MRPS9: variants seen among roughly 807,000 people sequenced by gnomAD.
MRPS9 encodes the protein mitochondrial ribosomal protein S9, also known as small ribosomal subunit protein uS9m.
A neutral mutation model predicts 59.9 loss-of-function variants in MRPS9; 45 were observed. The observed-to-expected ratio is 0.75, with a 90% CI of 0.59 to 0.96. The LOEUF (loss-of-function observed/expected upper bound fraction) is 0.96, where lower values mean the gene tolerates loss of function less well. MRPS9 is among the 40% of genes least tolerant of loss of function. MRPS9 has a pLI of 0.00. For synonymous variants in MRPS9, 171 were observed against 166.8 expected (o/e 1.03, Z -0.19); for missense variants, 473 against 481.1 (o/e 0.98, Z 0.16).
At chr2:105,040,908 G>A (rs1461692851) in intron 1 of MRPS9, among the ~76,000 whole-genome samples, 1 of 152,134 alleles carries the variant, frequency 6.6e-6, no homozygotes, top group African/African-American at 2.4e-5. Context: ...GCAGCAAATA[G>A]GAGTTATATG....
chr2:105,054,416 A>G (rs1008836410), intron 2 of MRPS9, among the ~76,000 whole-genome samples: 7 of 152,208 alleles, frequency 4.6e-5, no homozygotes, highest in African/African-American at 1.7e-4. Context: ...TGTCTCCTGT[A>G]GGTTGATATT....
chr2:105,071,041 C>G (rs1680102263), intron 2 of MRPS9, among the ~76,000 whole-genome samples: 1 of 152,152 alleles, frequency 6.6e-6, no homozygotes, highest in Non-Finnish European at 1.5e-5. Flanking sequence ...TCTAAGTGAT[C>G]CCTTAAAAGA....
At chr2:105,058,886 G>T (rs1679843353) in intron 2 of MRPS9, among the ~76,000 whole-genome samples, 1 of 151,892 alleles carries the variant, frequency 6.6e-6, no homozygotes, top group African/African-American at 2.4e-5. Context: ...CACCATGTTG[G>T]TCAGGCTGGT....
chr2:105,091,429 C>T (rs1041107472), intron 7 of MRPS9: 3 of 470,552 alleles, frequency 6.4e-6, no homozygotes, highest in African/African-American at 6.0e-5. Flanking sequence ...CACCCAATAT[C>T]CTAGGTAGCT....
chr2:105,045,325 A>G (rs1448535617), intron 1 of MRPS9, among the ~76,000 whole-genome samples: 2 of 151,060 alleles, frequency 1.3e-5, no homozygotes, highest in Non-Finnish European at 2.9e-5. Context: ...AGCCAAAAAA[A>G]AAAGAAAACC....
intron 4 of MRPS9, among the ~76,000 whole-genome samples, chr2:105,073,391 T>C (rs900425749): frequency 2.0e-5 from 3 of 152,210 alleles, no homozygotes; most frequent in African/African-American, 4.8e-5. Context: ...AGTTGTAGTT[T>C]ACTATATGTA....
chr2:105,076,136 G>A (rs938085958), intron 4 of MRPS9, among the ~76,000 whole-genome samples: 2 of 152,202 alleles, frequency 1.3e-5, no homozygotes, highest in Admixed American at 6.5e-5. Flanking sequence ...TAGAATTTCA[G>A]CAGACTACCA....
intron 1 of MRPS9, among the ~76,000 whole-genome samples, chr2:105,048,146 A>C (rs1274523368): frequency 1.3e-5 from 2 of 152,088 alleles, no homozygotes; most frequent in African/African-American, 4.8e-5. Flanking sequence ...TGTGGCACAT[A>C]TACACCATGG....
At chr2:105,052,591 A>G (rs1453636359) in intron 2 of MRPS9, among the ~76,000 whole-genome samples, 1 of 152,026 alleles carries the variant, frequency 6.6e-6, no homozygotes, top group East Asian at 1.9e-4. Flanking sequence ...TTTTCTTACA[A>G]TGTTTGTCTG....
intron 1 of MRPS9, among the ~76,000 whole-genome samples, chr2:105,048,698 C>G (rs1679653785): frequency 6.6e-6 from 1 of 151,908 alleles, no homozygotes; most frequent in Non-Finnish European, 1.5e-5. Context: ...TTTTTACCCA[C>G]AAATAAGGTG....
intron 2 of MRPS9, among the ~76,000 whole-genome samples, chr2:105,069,401 T>TA (rs1421426630): frequency 6.6e-6 from 1 of 151,866 alleles, no homozygotes; most frequent in Non-Finnish European, 1.5e-5. Flanking sequence ...TTTTAGTAGA[T>TA]ACGGGGTTTC....
At position 105,092,403 on chromosome 2, in the gene MRPS9, T is replaced by C; in HGVS notation, c.654T>C (p.Tyr218=). The part of the protein sequence containing the change: ...MLVEKLSDLD[Y]MQFIRLLEKL... ...TAATGAATTTTTATTGTCTGCAGTA[T>C]ATGCAGTTCATTCGGCTGCTAGAAA... Residue 218 remains tyrosine, a splice_region_variant and synonymous_variant, in exon 8 of 11, where the codon TAT becomes TAC. Transcript: ENST00000258455. 6.2e-7 allele frequency: 1 copy of C among 1,608,058 alleles called. No homozygotes were observed. The highest frequency in any genetic ancestry group is 8.5e-7 in the Non-Finnish European group (1 of 1,178,402).
At chr2:105,078,990 A>G (rs145519582) in intron 4 of MRPS9, among the ~76,000 whole-genome samples, 1 of 152,342 alleles carries the variant, frequency 6.6e-6, no homozygotes, top group African/African-American at 2.4e-5. Flanking sequence ...AGTGGGCCAC[A>G]GTATACTTCA....
intron 1 of MRPS9, chr2:105,038,517 C>A: frequency 2.4e-6 from 1 of 414,296 alleles, no homozygotes; most frequent in Non-Finnish European, 4.5e-6. Flanking sequence ...AGGGTCGGTG[C>A]CTAGGTCTGT....
chr2:105,085,423 T>C (rs1288572577), intron 5 of MRPS9, among the ~76,000 whole-genome samples: 1 of 152,194 alleles, frequency 6.6e-6, no homozygotes, highest in Non-Finnish European at 1.5e-5. Context: ...TTACTATTTA[T>C]GTTGTGTACC....
chr2:105,070,564 A>G (rs918739893), intron 2 of MRPS9, among the ~76,000 whole-genome samples: 1 of 152,148 alleles, frequency 6.6e-6, no homozygotes, highest in Admixed American at 6.5e-5. Context: ...GAAAGTGTAC[A>G]TTTTGTTGTT....
chr2:105,076,415 A>G (rs1207256780), intron 4 of MRPS9, among the ~76,000 whole-genome samples: 5 of 152,218 alleles, frequency 3.3e-5, no homozygotes, highest in Admixed American at 6.5e-5. Context: ...CACTTCCTTT[A>G]TGTATTTTGG....
intron 5 of MRPS9, among the ~76,000 whole-genome samples, chr2:105,080,858 C>T (rs10205442): frequency 0.069 from 10,454 of 152,032 alleles, 505 homozygotes; most frequent in East Asian, 0.27. Context: ...ATTTGTGCTC[C>T]ACAAACCCAA....
At chr2:105,085,193 A>C (rs538112286) in intron 5 of MRPS9, among the ~76,000 whole-genome samples, 1 of 152,340 alleles carries the variant, frequency 6.6e-6, no homozygotes, top group East Asian at 1.9e-4. Context: ...CTATAACAGA[A>C]GTATGTCACT....
Sources: gnomAD v4.1 joint callset for allele counts (sites outside exome capture counted in the v4.1 genomes callset) on GRCh38, gnomAD v4.1.1 for gene constraint, MANE v1.5 for transcripts, NCBI Gene and HGNC (gene_info 2026-07-23, HGNC 2026-07-21) for gene names.